Variants in NFE2L3 observed in about 807,000 individuals in gnomAD.
NFE2L3 encodes nuclear factor erythroid 2-related factor 3.
Under a neutral mutation model 23.5 loss-of-function variants are expected in NFE2L3, and 18 were observed. The observed-to-expected ratio is 0.77, with a 90% confidence interval of 0.53 to 1.13. The LOEUF is 1.13. Among genes scored for constraint, NFE2L3 ranks in the 50% most tolerant of loss-of-function variants. The probability of loss-of-function intolerance (pLI) is 0.00; values close to 1 mark genes in which losing one functional copy is unlikely to be tolerated. For missense variants in NFE2L3, 1,152 were observed against 877.2 expected, an observed-to-expected ratio of 1.31 and a Z score of -3.96; for synonymous variants, 424 against 354.5, an observed-to-expected ratio of 1.20 and a Z score of -2.20.
intron 2 of NFE2L3, among the ~76,000 whole-genome samples, chr7:26,181,616 C>A (rs1784511854): frequency 6.6e-6 from 1 of 152,044 alleles, no homozygotes; most frequent in Admixed American, 6.6e-5. Context: ...AAATGCAAAA[C>A]TGCTCCCCAA....
Position 26,185,587 on chromosome 7 carries a change from C to G in NFE2L3, c.1889C>G (p.Ala630Gly), listed in dbSNP as rs768307433. 1 of 1,613,726 alleles carries G rather than the reference C, an allele frequency of 6.2e-7. No homozygotes were observed. Among genetic ancestry groups the G allele is most frequent in the Non-Finnish European group, 8.5e-7 (1 of 1,179,736 alleles). The change falls in exon 4 of 4, where the codon GCT becomes GGT. Residue 630 changes from alanine (A) to glycine (G), a missense_variant. Ala to Gly is a moderately conservative substitution (Grantham distance 60, BLOSUM62 0). Transcript: ENST00000056233. Reference sequence around the variant, plus strand: ...AGAGAGCAAGCACAATGTAACAAAGCTATTAACATAATGAAACAGAAACTG... The same window carrying G: ...AGAGAGCAAGCACAATGTAACAAAGGTATTAACATAATGAAACAGAAACTG... ...LKREQAQCNK[A>G]INIMKQKLHD...
At chr7:26,163,491 C>T (rs1354949195) in intron 1 of NFE2L3, among the ~76,000 whole-genome samples, 2 of 152,120 alleles carry the variant, frequency 1.3e-5, no homozygotes, top group Non-Finnish European at 2.9e-5. Context: ...AGATTACAAG[C>T]GTGCGCTGCC....
At chr7:26,165,367 C>T (rs1027873535) in intron 1 of NFE2L3, among the ~76,000 whole-genome samples, 1 of 152,172 alleles carries the variant, frequency 6.6e-6, no homozygotes, top group Admixed American at 6.5e-5. Flanking sequence ...TCCTTCACAT[C>T]CCTTGTAAGT....
At chr7:26,159,445 T>A (rs1370333985) in intron 1 of NFE2L3, among the ~76,000 whole-genome samples, 10 of 152,218 alleles carry the variant, frequency 6.6e-5, no homozygotes, top group Admixed American at 2.0e-4. Context: ...TCCTTTGAAC[T>A]GCAGTGGCTG....
chr7:26,177,857 T>C (rs1784442610), intron 1 of NFE2L3, 86 bp from the exon 2 acceptor site: 1 of 1,140,278 alleles, frequency 8.8e-7, no homozygotes, highest in African/African-American at 1.6e-5. Flanking sequence ...GCTTTTGACT[T>C]GTGGGTTTTC....
rs373607428 is a variant in NFE2L3, at chr7:26,184,620, G to C, written c.922G>C (p.Ala308Pro). The C allele has an allele frequency of 1.9e-6, 3 of 1,613,842 alleles. No individual in the cohort carries two copies. Among genetic ancestry groups the C allele is most frequent in the Middle Eastern group, 1.7e-4 (1 of 6,056 alleles). The part of the protein sequence containing the change: ...SAHYHVNFSQ[A>P]ISQDVNLHEA... The stretch of plus-strand genomic sequence containing the variant: ...ACATTATCATGTAAACTTCAGCCAG[G>C]CTATAAGTCAGGATGTGAATCTTCA... The change falls in exon 4 of 4, where the codon GCT (alanine) becomes CCT (proline). Residue 308 changes from alanine (A) to proline (P), a missense_variant. By Grantham distance (27) the Ala-to-Pro change is conservative. Transcript: ENST00000056233.
intron 1 of NFE2L3, chr7:26,174,871 G>C (rs1431536022): frequency 1.3e-5 from 2 of 152,118 alleles, no homozygotes; most frequent in African/African-American, 4.8e-5. Context: ...CATGATAGTT[G>C]AAACTATCTG....
intron 1 of NFE2L3, 109 bp from the exon 2 acceptor site, chr7:26,177,834 A>G (rs1784441890): frequency 2.2e-6 from 2 of 916,422 alleles, no homozygotes; most frequent in South Asian, 3.3e-5. Context: ...GAAATATTGA[A>G]ATGCCGGTCT....
At chr7:26,181,876 A>C (rs1784519359) in intron 2 of NFE2L3, among the ~76,000 whole-genome samples, 1 of 152,202 alleles carries the variant, frequency 6.6e-6, no homozygotes, top group Non-Finnish European at 1.5e-5. Flanking sequence ...TGAACAGCTA[A>C]GGAAAAGGGT....
intron 1 of NFE2L3, among the ~76,000 whole-genome samples, chr7:26,171,724 C>T (rs1784330497): frequency 6.6e-6 from 1 of 151,936 alleles, no homozygotes; most frequent in Non-Finnish European, 1.5e-5. Flanking sequence ...TTTTTGGTTC[C>T]CTCTCTCTTT....
intron 2 of NFE2L3, among the ~76,000 whole-genome samples, chr7:26,183,497 G>A (rs1336184650): frequency 4.9e-5 from 7 of 143,842 alleles, no homozygotes; most frequent in South Asian, 2.1e-4. Flanking sequence ...GTAGTGAGCC[G>A]AGATTGCACC....
rs552782142 is a variant in NFE2L3, at chr7:26,177,655, A to C, written c.571-288A>C. ...AATCAATTTTCAACAGAAAACTAAAACTGCCTGCTGGCAACATTAATTTCC... is the reference window on the plus strand; with the variant it reads ...AATCAATTTTCAACAGAAAACTAAACCTGCCTGCTGGCAACATTAATTTCC... On this transcript the variant is annotated intron_variant, in intron 1 of 3. Coordinates refer to ENST00000056233, the MANE Select transcript of NFE2L3 (RefSeq NM_004289.7). Among the ~76,000 whole-genome samples the C allele has an allele frequency of 5.9e-5, 9 of 152,308 alleles. 1 individual carries two copies. Among genetic ancestry groups the C allele is most frequent in the African/African-American group, 2.2e-4 (9 of 41,572 alleles).
intron 1 of NFE2L3, among the ~76,000 whole-genome samples, chr7:26,162,010 GCA>G (rs961324256): frequency 5.9e-5 from 9 of 152,090 alleles, no homozygotes; most frequent in African/African-American, 2.2e-4. Context: ...GGGCATGTTG[GCA>G]CACACATGTA....
At chr7:26,176,581 C>CAA (rs1784411136) in intron 1 of NFE2L3, among the ~76,000 whole-genome samples, 2 of 110,934 alleles carry the variant, frequency 1.8e-5, no homozygotes, top group African/African-American at 3.5e-5. Flanking sequence ...ACTTCCCAGA[C>CAA]GGGGTGGCCA....
chr7:26,158,776 T>A (rs748069968), intron 1 of NFE2L3, among the ~76,000 whole-genome samples: 4 of 151,916 alleles, frequency 2.6e-5, no homozygotes, highest in Non-Finnish European at 5.9e-5. Context: ...GGTCTAGGGG[T>A]CTTGTGTGCT....
Position 26,185,846 on chromosome 7 carries a change from T to A in NFE2L3, c.*63T>A. ...AATGTTCAGAAACTGATTATTTGGA[T>A]CAGAAACCATTGAAACTGCTTCAAG... On this transcript the variant is annotated 3_prime_UTR_variant, in exon 4 of 4. Transcript: ENST00000056233. The A allele has an allele frequency of 7.5e-7, 1 of 1,325,020 alleles. No individual in the cohort carries two copies. Among genetic ancestry groups the A allele is most frequent in the Non-Finnish European group, 1.0e-6 (1 of 976,558 alleles). 82.1% of individuals were successfully genotyped at this position (1,325,020 alleles called of 1,614,324 possible).
At chr7:26,175,631 T>G (rs567767011) in intron 1 of NFE2L3, among the ~76,000 whole-genome samples, 1 of 151,796 alleles carries the variant, frequency 6.6e-6, no homozygotes, top group Admixed American at 6.6e-5. Context: ...CAACAAAAAT[T>G]AGCCGGGTGT....
chr7:26,173,671 T>C (rs1784357938), intron 1 of NFE2L3: 1 of 152,230 alleles, frequency 6.6e-6, no homozygotes, highest in Admixed American at 6.5e-5. Context: ...ATCAGTATTG[T>C]TGCAGGAAAG....
rs761065766 is a variant in NFE2L3, at chr7:26,152,596, A to T, written c.98A>T (p.Tyr33Phe). 1.3e-6 allele frequency: 2 copies of T among 1,546,780 alleles called. No homozygotes were observed. Among genetic ancestry groups the T allele is most frequent in the East Asian group, 5.2e-5 (2 of 38,484 alleles). ...LAGLRVDLDL[Y>F]LLLPPPTLLQ... ...GGGCTCCGCGTAGACCTAGATCTTT[A>T]CCTGCTGCTGCCGCCGCCCACCCTG... is the stretch of plus-strand genomic sequence containing the variant. Residue 33 changes from tyrosine to phenylalanine, a missense_variant, in exon 1 of 4, where the codon TAC (tyrosine) becomes TTC (phenylalanine). Tyr to Phe is a conservative substitution (Grantham distance 22). Coordinates refer to ENST00000056233, the MANE Select transcript of NFE2L3 (RefSeq NM_004289.7). The surrounding 1 kb of genome is among the most constrained non-coding windows in gnomAD (Gnocchi z 4.4).
Sources: allele counts gnomAD v4.1 joint callset (sites outside exome capture counted in the v4.1 genomes callset), GRCh38; gene constraint gnomAD v4.1.1; non-coding constraint Gnocchi (gnomAD v3.1); transcripts MANE v1.5; gene names NCBI Gene and HGNC (gene_info 2026-07-23, HGNC 2026-07-21).